Variants in PIK3C2B observed in about 807,000 individuals in gnomAD.
The protein encoded by PIK3C2B is phosphatidylinositol-4-phosphate 3-kinase catalytic subunit type 2 beta, also known as phosphatidylinositol 4-phosphate 3-kinase C2 domain-containing subunit beta.
In PIK3C2B, 83 loss-of-function variants were observed where a neutral mutation model predicts 184.3. The observed-to-expected ratio is 0.45, with a 90% CI of 0.38 to 0.54. The LOEUF is 0.54. Among genes scored for constraint, PIK3C2B ranks in the 20% least tolerant of loss-of-function variants. PIK3C2B has a pLI of 0.00. For missense variants in PIK3C2B, 1,736 were observed against 2,113.5 expected, an observed-to-expected ratio of 0.82 and a Z score of 3.50; for synonymous variants, 779 against 837.6, an observed-to-expected ratio of 0.93 and a Z score of 1.21.
At chr1:204,443,929 G>A (rs1195236232) in intron 18 of PIK3C2B, 139 bp downstream of exon 18, 1 of 683,936 alleles carries the variant, frequency 1.5e-6, no homozygotes. Flanking sequence ...AGGAAAAGAT[G>A]CTGGTCCAAG....
Position 204,466,023 on chromosome 1 carries a change from G to A in PIK3C2B, c.934-704C>T, listed in dbSNP as rs374278253. ...GGCCCCACTTCCTCTCTCAAAATAC[G>A]TGTGTGGTGGTAGGATTCTCAGACA... On this transcript the variant is annotated intron_variant, in intron 2 of 32. Coordinates refer to ENST00000684373, the MANE Select transcript of PIK3C2B (RefSeq NM_001377334.1). Among the ~76,000 whole-genome samples, 244 of 152,324 alleles carry A rather than the reference G, an allele frequency of 1.6e-3. 1 individual carries two copies. Among genetic ancestry groups the A allele is most frequent in the African/African-American group, 5.4e-3 (226 of 41,576 alleles).
In PIK3C2B at chr1:204,461,681, C is replaced by A. The variant is rs550701093; in HGVS notation, c.1311-1020G>T. Reference sequence around the variant, plus strand: ...GGACCAAATCTCCGATCTAGACCCTCTCAGATCTAAGACTGAAGTGCAGCC... The same window carrying A: ...GGACCAAATCTCCGATCTAGACCCTATCAGATCTAAGACTGAAGTGCAGCC... On this transcript the variant is annotated intron_variant, in intron 5 of 32. Coordinates refer to ENST00000684373, the MANE Select transcript of PIK3C2B (RefSeq NM_001377334.1). Among the ~76,000 whole-genome samples the A allele has an allele frequency of 7.0e-4, 106 of 152,256 alleles. 3 individuals carry two copies. The South Asian group carries it at 0.022, about 31-fold the overall frequency.
intron 30 of PIK3C2B, 70 bp downstream of exon 30, chr1:204,428,068 TG>T: frequency 1.2e-6 from 1 of 845,176 alleles, no homozygotes; most frequent in South Asian, 1.4e-5. Context: ...GAGAAGAGGT[TG>T]GGGCAGAAGC....
intron 15 of PIK3C2B, 88 bp from the exon 16 acceptor site, chr1:204,446,232 C>A: frequency 1.1e-6 from 1 of 875,348 alleles, no homozygotes; most frequent in East Asian, 2.6e-5. Flanking sequence ...AGCCCTTACC[C>A]TCAAGGGAGT....
In PIK3C2B at chr1:204,447,519, G is replaced by T; in HGVS notation, c.2406C>A (p.Phe802Leu). 1 of 1,612,078 alleles carries T rather than the reference G, an allele frequency of 6.2e-7. No homozygotes were observed. ...IKFTSPPGDK[F>L]SPRYEFGSLR... ...GGCTGCCAAACTCATAGCGGGGGCT[G>T]AACTTGTCTCCAGGGGGGCTGGTGA... The change falls in exon 15 of 33, where the codon TTC (phenylalanine) becomes TTA (leucine). Residue 802 changes from phenylalanine (F) to leucine (L), a missense_variant. Physicochemically the swap from Phe to Leu is conservative, Grantham distance 22. Coordinates refer to ENST00000684373, the MANE Select transcript of PIK3C2B (RefSeq NM_001377334.1). The surrounding 1 kb of genome is among the most constrained non-coding windows in gnomAD (Gnocchi z 4.1).
chr1:204,459,882 G>A lies in PIK3C2B; in HGVS notation c.1562C>T (p.Ala521Val), dbSNP rs201341030. Residue 521 changes from alanine (A) to valine (V), a missense_variant, in exon 8 of 33, where the codon GCT (alanine) becomes GTT (valine). Around this residue, in one of 8 missense-constraint regions of PIK3C2B, gnomAD observed 609 missense variants for 699.2 expected, o/e 0.87. Coordinates refer to ENST00000684373, the MANE Select transcript of PIK3C2B (RefSeq NM_001377334.1). The stretch of plus-strand genomic sequence containing the variant: ...AGCCCCTGGATTCGTACTCACATCA[G>A]CCAGCAGGAAGGCATCCACCTCATT... ...YHNEVDAFLL[A>V]DGDFPLKADR... is the part of the protein sequence containing the mutation. 1.1e-5 allele frequency: 17 copies of A among 1,613,312 alleles called. No homozygotes were observed. The highest frequency in any genetic ancestry group is 1.4e-5 in the Non-Finnish European group (17 of 1,179,590).
intron 2 of PIK3C2B, chr1:204,467,034 G>A (rs751313040): frequency 1.6e-4 from 75 of 455,152 alleles, no homozygotes; most frequent in African/African-American, 2.4e-4. Context: ...GACCAAGGCC[G>A]CATTTCCCCA....
At chr1:204,439,217 C>T (rs895844918) in intron 22 of PIK3C2B, 146 bp from the exon 23 acceptor site, 30 of 793,022 alleles carry the variant, frequency 3.8e-5, no homozygotes, top group Middle Eastern at 2.9e-4. Flanking sequence ...AAGAGAATAA[C>T]CATAGAAAGG....
chr1:204,474,771 G>A (rs989118344), intron 1 of PIK3C2B, among the ~76,000 whole-genome samples: 2 of 151,842 alleles, frequency 1.3e-5, no homozygotes, highest in East Asian at 1.9e-4. Flanking sequence ...TCTCCTTCAA[G>A]TTTACATGCC....
chr1:204,471,810 T>C (rs1234647307), intron 1 of PIK3C2B, among the ~76,000 whole-genome samples: 1 of 152,258 alleles, frequency 6.6e-6, no homozygotes, highest in East Asian at 1.9e-4. Flanking sequence ...AAACTATAAA[T>C]GAAAAGTACA....
chr1:204,489,219 T>A (rs1325921006), intron 1 of PIK3C2B, among the ~76,000 whole-genome samples: 1 of 152,080 alleles, frequency 6.6e-6, no homozygotes, highest in Non-Finnish European at 1.5e-5. Flanking sequence ...CTGGATGCAA[T>A]CAGAGTGGTG....
chr1:204,429,211 G>A (rs1674908599), intron 29 of PIK3C2B, among the ~76,000 whole-genome samples: 1 of 152,116 alleles, frequency 6.6e-6, no homozygotes, highest in Non-Finnish European at 1.5e-5. Context: ...CTGAATGACA[G>A]GGCAAGATCC....
intron 2 of PIK3C2B, chr1:204,466,770 C>G (rs530850860): frequency 8.0e-6 from 4 of 498,604 alleles, no homozygotes; most frequent in South Asian, 6.1e-5. Context: ...AAGCCACTTA[C>G]GTTTGCCCAG....
In PIK3C2B at chr1:204,456,908, C is replaced by CCCACACA; in HGVS notation, c.1747+128_1747+129insTGTGTGG. 5 of 214,654 alleles carry CCCACACA rather than the reference C, an allele frequency of 2.3e-5. 1 individual carries two copies. Among genetic ancestry groups the CCCACACA allele is most frequent in the South Asian group, 9.7e-5 (1 of 10,352 alleles). 13.3% of individuals were successfully genotyped at this position (214,654 alleles called of 1,614,324 possible). ...CACACACACACACACACACACACAC[C>CCCACACA]CACACACACACACACACCAGCCGAA... On this transcript the variant is annotated intron_variant, in intron 10 of 32. Coordinates refer to ENST00000684373, the MANE Select transcript of PIK3C2B (RefSeq NM_001377334.1).
At position 204,468,854 on chromosome 1, in the gene PIK3C2B, A is replaced by G; in HGVS notation, c.933+16T>C. 1 of 1,554,298 alleles carries G rather than the reference A, an allele frequency of 6.4e-7. No homozygotes were observed. On this transcript the variant is annotated intron_variant, in intron 2 of 32. Coordinates refer to ENST00000684373, the MANE Select transcript of PIK3C2B (RefSeq NM_001377334.1). ...ATGGAGAAAGGAAGGCAGAAGAAAC[A>G]CAAGAAGGTCCTCACCGGGGCTGCA...
chr1:204,480,206 C>G (rs1165190217), intron 1 of PIK3C2B, among the ~76,000 whole-genome samples: 1 of 152,240 alleles, frequency 6.6e-6, no homozygotes, highest in South Asian at 2.1e-4. Flanking sequence ...AGGAAGACAT[C>G]CTTGCTGGGC....
At chr1:204,456,872 GAA>G in intron 10 of PIK3C2B, among the ~76,000 whole-genome samples, 163 bp downstream of exon 10, 1 of 79,466 alleles carries the variant, frequency 1.3e-5, no homozygotes, top group South Asian at 5.7e-4. Flanking sequence ...CCTCATATAG[GAA>G]CACACACACA....
At chr1:204,473,417 G>GA (rs1242444924) in intron 1 of PIK3C2B, among the ~76,000 whole-genome samples, 17 of 152,244 alleles carry the variant, frequency 1.1e-4, no homozygotes. Flanking sequence ...GGGTATGAGG[G>GA]AGTCTTGCTA....
intron 5 of PIK3C2B, among the ~76,000 whole-genome samples, chr1:204,460,950 C>A (rs1238136375): frequency 6.6e-6 from 1 of 152,160 alleles, no homozygotes; most frequent in Non-Finnish European, 1.5e-5. Flanking sequence ...CACTCCAGGG[C>A]TGGGAACTGT....
Sources: gnomAD v4.1 joint callset for allele counts (sites outside exome capture counted in the v4.1 genomes callset) on GRCh38, gnomAD v4.1.1 for gene constraint, gnomAD v4.1.1 regional missense constraint, Gnocchi (gnomAD v3.1) non-coding constraint, MANE v1.5 for transcripts, NCBI Gene and HGNC (gene_info 2026-07-23, HGNC 2026-07-21) for gene names.